SGCE: variants seen among roughly 807,000 people sequenced by gnomAD.
SGCE encodes sarcoglycan epsilon.
A neutral mutation model predicts 57.8 loss-of-function variants in SGCE; 26 were observed. The observed-to-expected ratio is 0.45, with a 90% CI of 0.33 to 0.62. SGCE has a LOEUF of 0.62. Among genes scored for constraint, SGCE ranks in the 20% least tolerant of loss-of-function variants. The pLI is 0.02. For missense variants in SGCE, 468 were observed against 548.6 expected (o/e 0.85, Z 1.47); for synonymous variants, 183 against 189.5 (o/e 0.97, Z 0.28).
chr7:94,609,422 C>T (rs1800664756), intron 5 of SGCE, among the ~76,000 whole-genome samples: 1 of 152,178 alleles, frequency 6.6e-6, no homozygotes, highest in Non-Finnish European at 1.5e-5. Flanking sequence ...AGCTACTTGA[C>T]TTGGGAGGCT....
At position 94,635,812 on chromosome 7, in the gene SGCE, C is replaced by A. The variant is rs115389998; in HGVS notation, c.110-5971G>T. Among the ~76,000 whole-genome samples, 531 of 152,272 alleles carry A rather than the reference C, an allele frequency of 3.5e-3. 4 individuals are homozygous for A. The highest frequency in any genetic ancestry group is 0.012 in the African/African-American group (497 of 41,562). The stretch of plus-strand genomic sequence containing the variant: ...AGATTTACCTTGTGTTTTATCAATA[C>A]AACTTTATGAATCTTGGCTTTGAAT... On this transcript the variant is annotated intron_variant, in intron 1 of 10. Coordinates refer to ENST00000648936, the MANE Select transcript of SGCE (RefSeq NM_003919.3).
intron 5 of SGCE, among the ~76,000 whole-genome samples, chr7:94,616,467 G>A (rs1203248971): frequency 6.6e-6 from 1 of 151,896 alleles, no homozygotes. Context: ...TTTTTACAAG[G>A]GATATAATTC....
intron 1 of SGCE, among the ~76,000 whole-genome samples, chr7:94,639,719 T>C (rs1012278508): frequency 6.6e-5 from 10 of 152,146 alleles, no homozygotes; most frequent in Non-Finnish European, 1.5e-4. Flanking sequence ...CATACACATA[T>C]ATACACACAC....
rs10224050 is a variant in SGCE at position 94,587,105 on chromosome 7, T to C, written c.1297+1584A>G. On this transcript the variant is annotated intron_variant, in intron 10 of 10. Coordinates refer to ENST00000648936, the MANE Select transcript of SGCE (RefSeq NM_003919.3). The stretch of plus-strand genomic sequence containing the variant: ...CCTAAAATCTGTTTCAGAAAAATAA[T>C]TTTATAAATTAGGTTAAACAACCTT... 2,484 of 984,444 alleles carry C rather than the reference T, an allele frequency of 2.5e-3. 43 individuals carry two copies. The African/African-American group carries it at 0.041, about 16-fold the overall frequency. 61.0% of individuals were successfully genotyped at this position (984,444 alleles called of 1,614,324 possible).
At chr7:94,604,228 A>G (rs1039946235) in intron 5 of SGCE, among the ~76,000 whole-genome samples, 1 of 152,170 alleles carries the variant, frequency 6.6e-6, no homozygotes, top group African/African-American at 2.4e-5. Context: ...TGGCCTTTCA[A>G]AAGAAAAGAG....
At chr7:94,650,094 T>C (rs923978725) in intron 1 of SGCE, among the ~76,000 whole-genome samples, 4 of 152,212 alleles carry the variant, frequency 2.6e-5, no homozygotes, top group Non-Finnish European at 5.9e-5. Context: ...AAGACATGTT[T>C]GAGACACTAA....
At chr7:94,623,582 A>G (rs1006871413) in intron 3 of SGCE, 185 bp from the exon 4 acceptor site, 15 of 590,716 alleles carry the variant, frequency 2.5e-5, no homozygotes, top group Non-Finnish European at 4.2e-5. Context: ...GGGAAAATAA[A>G]TAATTAGTCA....
intron 5 of SGCE, among the ~76,000 whole-genome samples, chr7:94,611,876 C>T (rs1396209085): frequency 6.6e-6 from 1 of 151,944 alleles, no homozygotes; most frequent in African/African-American, 2.4e-5. Flanking sequence ...CCTATTGTAC[C>T]TTTGGGAAAC....
At position 94,611,311 on chromosome 7, in the gene SGCE, G is replaced by T. The variant is rs993381070; in HGVS notation, c.662+7447C>A. Among the ~76,000 whole-genome samples the T allele has an allele frequency of 3.3e-5, 5 of 152,218 alleles. No individual in the cohort carries two copies. In the South Asian group the frequency reaches 8.3e-4, roughly 25 times the overall value. ...TCCATAAAATAGAATATTATTCCAT[G>T]ATTAAAAATGAAATACTGATTTATT... On this transcript the variant is annotated intron_variant, in intron 5 of 10. Coordinates refer to ENST00000648936, the MANE Select transcript of SGCE (RefSeq NM_003919.3).
intron 5 of SGCE, among the ~76,000 whole-genome samples, chr7:94,604,859 A>ATATATATATATATATATAT (rs1799863944): frequency 9.1e-6 from 1 of 109,632 alleles, no homozygotes; most frequent in African/African-American, 3.7e-5. Flanking sequence ...ATATATATAT[A>ATATATATATATATATATAT]ATAGTTGTTA....
In SGCE at chr7:94,623,352, A is replaced by G. The variant is rs752074255; in HGVS notation, c.436T>C (p.Leu146=). ...RRTFETARHN[L]IINIMSAEDF... ...TCTGCAGACATTATATTAATTATCA[A>G]ATTATGCCTTGCAGTCTCAAAGGTG... Residue 146 remains leucine, a synonymous_variant, in exon 4 of 11, where the codon TTG becomes CTG. Coordinates refer to ENST00000648936, the MANE Select transcript of SGCE (RefSeq NM_003919.3). The G allele has an allele frequency of 3.6e-5, 58 of 1,604,200 alleles. 1 individual carries two copies. In the Middle Eastern group the frequency reaches 5.0e-4, roughly 14 times the overall value.
chr7:94,631,101 T>C (rs1770825692), intron 1 of SGCE, among the ~76,000 whole-genome samples: 2 of 151,928 alleles, frequency 1.3e-5, no homozygotes, highest in African/African-American at 4.8e-5. Context: ...CTACAAGTTA[T>C]GTTTAAACTA....
chr7:94,632,041 G>C (rs948973062), intron 1 of SGCE, among the ~76,000 whole-genome samples: 1 of 151,798 alleles, frequency 6.6e-6, no homozygotes, highest in Non-Finnish European at 1.5e-5. Context: ...TACAAAGTAC[G>C]GCAGAGGTAA....
intron 1 of SGCE, among the ~76,000 whole-genome samples, chr7:94,633,076 G>A (rs895874068): frequency 2.0e-5 from 3 of 152,008 alleles, no homozygotes; most frequent in African/African-American, 7.2e-5. Flanking sequence ...TGTGTACAGT[G>A]CCATGCTAAT....
At chr7:94,609,462 G>A (rs190359145) in intron 5 of SGCE, among the ~76,000 whole-genome samples, 6 of 152,314 alleles carry the variant, frequency 3.9e-5, no homozygotes, top group African/African-American at 1.4e-4. Flanking sequence ...AACCCAGGAG[G>A]CAGAGGCTGC....
At chr7:94,587,748 A>G in intron 10 of SGCE, 2 of 1,534,416 alleles carry the variant, frequency 1.3e-6, no homozygotes, top group Non-Finnish European at 1.8e-6. Context: ...CTTGTAATTG[A>G]AATCTGATGA....
intron 1 of SGCE, among the ~76,000 whole-genome samples, chr7:94,654,236 G>C (rs1808278283): frequency 6.6e-6 from 1 of 152,178 alleles, no homozygotes; most frequent in Middle Eastern, 3.4e-3. Context: ...GTCCTGGTTA[G>C]CATTTTGAAA....
intron 5 of SGCE, among the ~76,000 whole-genome samples, chr7:94,609,610 T>C (rs1345932262): frequency 6.6e-6 from 1 of 152,128 alleles, no homozygotes; most frequent in East Asian, 1.9e-4. Flanking sequence ...AATATGCACA[T>C]GAAAAGATGC....
At chr7:94,600,377 T>C in intron 7 of SGCE, 1 of 396,990 alleles carries the variant, frequency 2.5e-6, no homozygotes, top group Non-Finnish European at 4.6e-6. Flanking sequence ...ATATCTAGCC[T>C]CAATTATTCT....
Sources: allele counts gnomAD v4.1 joint callset (sites outside exome capture counted in the v4.1 genomes callset), GRCh38; gene constraint gnomAD v4.1.1; transcripts MANE v1.5; gene names NCBI Gene and HGNC (gene_info 2026-07-23, HGNC 2026-07-21).